USP54: variants seen among roughly 807,000 people sequenced by gnomAD.
USP54 encodes ubiquitin specific peptidase 54.
A neutral mutation model predicts 170.5 loss-of-function variants in USP54; 87 were observed. That is an observed-to-expected ratio of 0.51 (90% CI 0.43 to 0.61). The LOEUF (loss-of-function observed/expected upper bound fraction) is 0.61. USP54 is among the 20% of genes least tolerant of loss of function. USP54 has a pLI of 0.00. For missense variants in USP54, 1,786 were observed against 2,047.8 expected (o/e 0.87, Z 2.47); for synonymous variants, 655 against 742.8 (o/e 0.88, Z 1.92).
Position 73,501,152 on chromosome 10 carries a change from T to C in USP54, c.4312-314A>G, listed in dbSNP as rs538990084. Reference sequence around the variant, plus strand: ...AGAATTAGAGAGATTGAGATAGAAATTTAAAAATAAAAACGAAATATGAGA... The same window carrying C: ...AGAATTAGAGAGATTGAGATAGAAACTTAAAAATAAAAACGAAATATGAGA... On this transcript the variant is annotated intron_variant, in intron 22 of 23. Transcript: ENST00000687698. Among the ~76,000 whole-genome samples, 4 of 152,202 alleles carry C rather than the reference T, an allele frequency of 2.6e-5. No homozygotes were observed. The South Asian group carries it at 8.3e-4, about 32-fold the overall frequency.
rs1044208602 is a variant in USP54 at position 73,607,675 on chromosome 10, G to A, written c.-18+17892C>T. Among the ~76,000 whole-genome samples the A allele has an allele frequency of 7.9e-5, 12 of 151,578 alleles. No homozygotes were observed. In the South Asian group the frequency reaches 2.3e-3, roughly 29 times the overall value. On this transcript the variant is annotated intron_variant, in intron 1 of 22. Transcript: ENST00000339859. ...GTAAAACCCTGTATCTACTAAAAAC[G>A]CAAAAAATTTCCCAGGGATGGTGGC...
chr10:73,590,901 T>C (rs969533666), intron 1 of USP54, among the ~76,000 whole-genome samples: 2 of 152,110 alleles, frequency 1.3e-5, no homozygotes, highest in African/African-American at 4.8e-5. Context: ...AAAATAGGTA[T>C]AAAGAAATCA....
chr10:73,506,868 C>T (rs2059219418), intron 20 of USP54: 1 of 151,626 alleles, frequency 6.6e-6, no homozygotes, highest in South Asian at 2.1e-4. Context: ...ATCCTGTTGC[C>T]CAACGATTCT....
At chr10:73,566,464 T>C (rs574131525) in intron 4 of USP54, among the ~76,000 whole-genome samples, 1 of 152,152 alleles carries the variant, frequency 6.6e-6, no homozygotes, top group Non-Finnish European at 1.5e-5. Context: ...CCAGGCGCAG[T>C]GGCTCACGCC....
chr10:73,560,928 C>A (rs996836126), intron 4 of USP54, among the ~76,000 whole-genome samples: 4 of 149,922 alleles, frequency 2.7e-5, no homozygotes, highest in Non-Finnish European at 4.4e-5. Context: ...TATGGTGAAA[C>A]CCTGTCTCTA....
chr10:73,545,289 C>G (rs1220902464), intron 5 of USP54, among the ~76,000 whole-genome samples: 2 of 152,074 alleles, frequency 1.3e-5, no homozygotes, highest in African/African-American at 4.8e-5. Context: ...TTTTAATGAG[C>G]CTTGGATCCT....
intron 1 of USP54, among the ~76,000 whole-genome samples, chr10:73,590,206 A>C (rs932749547): frequency 1.3e-5 from 2 of 152,228 alleles, no homozygotes; most frequent in Non-Finnish European, 2.9e-5. Flanking sequence ...TAGAGGGACA[A>C]TACTACTACC....
At chr10:73,568,221 T>C (rs2074278458) in intron 4 of USP54, among the ~76,000 whole-genome samples, 1 of 152,118 alleles carries the variant, frequency 6.6e-6, no homozygotes, top group Admixed American at 6.6e-5. Flanking sequence ...CCTATAAAAG[T>C]AGTTTTAAAG....
intron 11 of USP54, among the ~76,000 whole-genome samples, chr10:73,535,578 C>T (rs2065053588): frequency 6.6e-6 from 1 of 152,204 alleles, no homozygotes; most frequent in Admixed American, 6.5e-5. Flanking sequence ...TTATAAGATT[C>T]TGTGAGCTAC....
At position 73,499,017 on chromosome 10, in the gene USP54, A is replaced by T; in HGVS notation, c.4667T>A (p.Phe1556Tyr). The change falls in exon 24 of 24, where the codon TTC becomes TAC. Residue 1556 changes from phenylalanine (F) to tyrosine (Y), a missense_variant. Physicochemically the swap from Phe to Tyr is conservative, Grantham distance 22. Coordinates refer to ENST00000687698, the MANE Select transcript of USP54 (RefSeq NM_001391956.1). Reference sequence around the variant, plus strand: ...AGGATTGCACCCTGGAGTAGTCAGGAATCTGGTCCCAATATGCTGGTTGGT... The same window carrying T: ...AGGATTGCACCCTGGAGTAGTCAGGTATCTGGTCCCAATATGCTGGTTGGT... Reference protein sequence around the residue: ...SETNQHIGTRFLTTPGCNPQL... With the variant: ...SETNQHIGTRYLTTPGCNPQL... 6.2e-7 allele frequency: 1 copy of T among 1,614,134 alleles called. No homozygotes were observed. The highest frequency in any genetic ancestry group is 8.5e-7 in the Non-Finnish European group (1 of 1,180,028).
At chr10:73,507,042 T>G (rs1166338685) in intron 20 of USP54, 1 of 152,020 alleles carries the variant, frequency 6.6e-6, no homozygotes, top group East Asian at 1.9e-4. Flanking sequence ...GTCCAGCCAC[T>G]TAAAAAGATT....
intron 3 of USP54, among the ~76,000 whole-genome samples, chr10:73,572,675 TAAC>T (rs766793558): frequency 4.6e-5 from 7 of 152,304 alleles, no homozygotes; most frequent in Admixed American, 1.3e-4. Context: ...TATTAGCTCA[TAAC>T]AACAATTATT....
At chr10:73,529,146 C>T (rs1242788935) in intron 15 of USP54, 1 of 154,808 alleles carries the variant, frequency 6.5e-6, no homozygotes, top group Non-Finnish European at 1.4e-5. Context: ...TATGTGCTAC[C>T]AAAGCAAGCA....
At chr10:73,536,940 G>A (rs1299943564) in intron 10 of USP54, among the ~76,000 whole-genome samples, 2 of 152,172 alleles carry the variant, frequency 1.3e-5, no homozygotes, top group Non-Finnish European at 2.9e-5. Context: ...TTCGCAAATG[G>A]TAGGATATAA....
chr10:73,531,184 G>T (rs1198763738), intron 12 of USP54, among the ~76,000 whole-genome samples: 1 of 151,866 alleles, frequency 6.6e-6, no homozygotes, highest in Non-Finnish European at 1.5e-5. Context: ...TGTAGTCCCA[G>T]CTACTGAGAG....
chr10:73,610,002 T>C (rs2080005842), intron 1 of USP54, among the ~76,000 whole-genome samples: 2 of 147,218 alleles, frequency 1.4e-5, no homozygotes, highest in African/African-American at 5.0e-5. Flanking sequence ...AGAGCAAGAC[T>C]CTGTCTCCAA....
intron 20 of USP54, chr10:73,506,644 A>G (rs186013271): frequency 6.6e-6 from 1 of 152,170 alleles, no homozygotes; most frequent in Non-Finnish European, 1.5e-5. Flanking sequence ...ATACCACCTC[A>G]GATTCATCTG....
intron 20 of USP54, among the ~76,000 whole-genome samples, chr10:73,511,540 A>G (rs1233709835): frequency 6.6e-6 from 1 of 151,136 alleles, no homozygotes; most frequent in African/African-American, 2.4e-5. Context: ...CATGCCTGTA[A>G]TCCCAGCTAC....
At chr10:73,597,648 A>G (rs1242246539) in intron 1 of USP54, among the ~76,000 whole-genome samples, 1 of 152,282 alleles carries the variant, frequency 6.6e-6, no homozygotes, top group Non-Finnish European at 1.5e-5. Context: ...TTTGAGTAAT[A>G]ATTAAACTCT....
Sources: allele counts gnomAD v4.1 joint callset (sites outside exome capture counted in the v4.1 genomes callset), GRCh38; gene constraint gnomAD v4.1.1; transcripts MANE v1.5; gene names NCBI Gene and HGNC (gene_info 2026-07-23, HGNC 2026-07-21).